Variants in EXOC6B observed in about 807,000 individuals in gnomAD.
EXOC6B encodes SEC15 homolog B.
Under a neutral mutation model 113.5 loss-of-function variants are expected in EXOC6B, and 54 were observed. That is an observed-to-expected ratio of 0.48 (90% CI 0.38 to 0.60). The LOEUF (loss-of-function observed/expected upper bound fraction) is 0.60, where lower values mean the gene tolerates loss of function less well. Among genes scored for constraint, EXOC6B ranks in the 20% least tolerant of loss-of-function variants. The pLI is 0.00. For missense variants in EXOC6B, 797 were observed against 977.5 expected (o/e 0.82, Z 2.46); for synonymous variants, 357 against 339.0 (o/e 1.05, Z -0.58).
intron 18 of EXOC6B, among the ~76,000 whole-genome samples, chr2:72,446,937 T>G (rs1336812631): frequency 1.3e-5 from 2 of 151,980 alleles, no homozygotes; most frequent in African/African-American, 4.8e-5. Flanking sequence ...CTGTCTCTAC[T>G]AAAAATACAA....
intron 8 of EXOC6B, among the ~76,000 whole-genome samples, chr2:72,553,901 T>C (rs1243711927): frequency 6.6e-6 from 1 of 152,148 alleles, no homozygotes; most frequent in Non-Finnish European, 1.5e-5. Flanking sequence ...TGGAGCAACA[T>C]GAATTCTGCT....
intron 18 of EXOC6B, among the ~76,000 whole-genome samples, chr2:72,460,646 A>G (rs1341758456): frequency 6.6e-6 from 1 of 152,216 alleles, no homozygotes; most frequent in East Asian, 1.9e-4. Flanking sequence ...TGCAAATCAA[A>G]ATCACAATGA....
intron 20 of EXOC6B, among the ~76,000 whole-genome samples, chr2:72,244,838 T>C (rs1471850916): frequency 1.3e-5 from 2 of 152,156 alleles, no homozygotes; most frequent in African/African-American, 2.4e-5. Flanking sequence ...CTATCTTATA[T>C]ACCAGAAATG....
chr2:72,633,720 C>A (rs1449799187), intron 6 of EXOC6B, among the ~76,000 whole-genome samples: 6 of 152,170 alleles, frequency 3.9e-5, no homozygotes, highest in Non-Finnish European at 8.8e-5. Context: ...ATAAGGTTCA[C>A]TTCCCCTTAA....
At chr2:72,400,537 T>C (rs897546883) in intron 18 of EXOC6B, among the ~76,000 whole-genome samples, 3 of 151,796 alleles carry the variant, frequency 2.0e-5, no homozygotes, top group Admixed American at 2.0e-4. Flanking sequence ...TTGCAAGCTA[T>C]GCATCTGACA....
At chr2:72,482,599 TAAA>T (rs1233061016) in intron 16 of EXOC6B, among the ~76,000 whole-genome samples, 9 of 152,218 alleles carry the variant, frequency 5.9e-5, no homozygotes, top group Non-Finnish European at 7.4e-5. Flanking sequence ...AAAACAACGT[TAAA>T]AAGTTTGAAT....
At chr2:72,765,126 G>A (rs1312514105) in intron 1 of EXOC6B, among the ~76,000 whole-genome samples, 2 of 151,690 alleles carry the variant, frequency 1.3e-5, no homozygotes, top group African/African-American at 4.8e-5. Context: ...CTTCCATTTA[G>A]GAAGAAAAAT....
chr2:72,307,161 G>GTTTTTGTTTTTTTTTTTTTTTT lies in EXOC6B; in HGVS notation c.2196+27785_2196+27786insAAAAAAAAAAAAAAAACAAAAA, dbSNP rs758906963. ...TCCATGACTGCAATGGTATAGTCCA[G>GTTTTTGTTTTTTTTTTTTTTTT]TTTTTTTTTTTTTGAGACGGAGTCT... On this transcript the variant is annotated intron_variant, in intron 20 of 21. Coordinates refer to ENST00000272427, the MANE Select transcript of EXOC6B (RefSeq NM_015189.3). Among the ~76,000 whole-genome samples the GTTTTTGTTTTTTTTTTTTTTTT allele has an allele frequency of 1.7e-3, 219 of 128,336 alleles. 17 individuals are homozygous for GTTTTTGTTTTTTTTTTTTTTTT. Among genetic ancestry groups the GTTTTTGTTTTTTTTTTTTTTTT allele is most frequent in the African/African-American group, 3.2e-3 (84 of 26,156 alleles). 84.2% of individuals were successfully genotyped at this position (128,336 alleles called of 152,430 possible). A position where few individuals can be genotyped will look rare whatever the true frequency, so the allele number is the denominator to read the frequency against.
intron 11 of EXOC6B, among the ~76,000 whole-genome samples, chr2:72,505,373 T>C (rs1445742304): frequency 1.3e-5 from 2 of 152,118 alleles, no homozygotes; most frequent in Admixed American, 6.5e-5. Flanking sequence ...ACCTAATATA[T>C]ATCCCAAGGA....
At chr2:72,610,730 G>GA (rs1671024259) in intron 6 of EXOC6B, among the ~76,000 whole-genome samples, 1 of 152,058 alleles carries the variant, frequency 6.6e-6, no homozygotes. Context: ...AGTTTACATA[G>GA]ATACCACAGC....
At chr2:72,410,407 T>C (rs1297450660) in intron 18 of EXOC6B, among the ~76,000 whole-genome samples, 2 of 152,234 alleles carry the variant, frequency 1.3e-5, no homozygotes, top group South Asian at 4.1e-4. Context: ...AACTGAAAAC[T>C]ACTATGTGAT....
At chr2:72,685,167 T>C (rs1350923219) in intron 6 of EXOC6B, among the ~76,000 whole-genome samples, 2 of 152,144 alleles carry the variant, frequency 1.3e-5, no homozygotes, top group African/African-American at 4.8e-5. Context: ...ATTGATAGAA[T>C]CTAGGTGGTA....
intron 18 of EXOC6B, among the ~76,000 whole-genome samples, chr2:72,401,524 CAT>C (rs1186731784): frequency 0.43 from 12,479 of 28,868 alleles, 3,130 homozygotes; most frequent in Non-Finnish European, 0.48. Flanking sequence ...TACATATATA[CAT>C]ATATATATAT....
intron 18 of EXOC6B, among the ~76,000 whole-genome samples, chr2:72,450,043 G>A (rs904316367): frequency 1.3e-4 from 19 of 151,996 alleles, no homozygotes; most frequent in African/African-American, 4.1e-4. Context: ...AATTAATAAG[G>A]GTCAGGAACA....
chr2:72,296,637 G>C (rs1378525636), intron 20 of EXOC6B, among the ~76,000 whole-genome samples: 1 of 152,082 alleles, frequency 6.6e-6, no homozygotes, highest in African/African-American at 2.4e-5. Context: ...TGGAAATAGA[G>C]AAGACATGAT....
chr2:72,762,257 A>C (rs1368091510), intron 1 of EXOC6B, among the ~76,000 whole-genome samples: 2 of 151,506 alleles, frequency 1.3e-5, no homozygotes, highest in Non-Finnish European at 2.9e-5. Flanking sequence ...AAAAAAAAAA[A>C]AGAAAAGAAA....
chr2:72,392,607 G>T (rs991213707), intron 18 of EXOC6B, among the ~76,000 whole-genome samples: 1 of 152,156 alleles, frequency 6.6e-6, no homozygotes, highest in African/African-American at 2.4e-5. Context: ...TTTTAGGTCA[G>T]TTTTCTCCAC....
chr2:72,654,825 C>T (rs1367227799), intron 6 of EXOC6B, among the ~76,000 whole-genome samples: 20 of 152,054 alleles, frequency 1.3e-4, no homozygotes, highest in Admixed American at 1.0e-3. Context: ...TTAATTAAAG[C>T]GAAAAACTGA....
intron 1 of EXOC6B, among the ~76,000 whole-genome samples, chr2:72,784,329 C>A (rs1684249186): frequency 6.6e-6 from 1 of 152,110 alleles, no homozygotes; most frequent in Non-Finnish European, 1.5e-5. Context: ...TATTCAGGTT[C>A]TTTTTTGGTT....
Sources: gnomAD v4.1 joint callset for allele counts (sites outside exome capture counted in the v4.1 genomes callset) on GRCh38, gnomAD v4.1.1 for gene constraint, MANE v1.5 for transcripts, NCBI Gene and HGNC (gene_info 2026-07-23, HGNC 2026-07-21) for gene names.